Variants in CDH12 observed in about 807,000 individuals in gnomAD.
The protein encoded by CDH12 is cadherin 12.
Under a neutral mutation model 74.1 loss-of-function variants are expected in CDH12, and 41 were observed. The observed-to-expected ratio is 0.55, with a 90% CI of 0.43 to 0.72. The LOEUF (loss-of-function observed/expected upper bound fraction) is 0.72. Ranked by LOEUF, CDH12 falls within the 30% of genes least tolerant of loss-of-function variation. The probability of loss-of-function intolerance (pLI) is 0.00; values close to 1 mark genes in which losing one functional copy is unlikely to be tolerated. For missense variants in CDH12, 945 were observed against 977.2 expected, an observed-to-expected ratio of 0.97 and a Z score of 0.44; for synonymous variants, 399 against 355.0, an observed-to-expected ratio of 1.12 and a Z score of -1.39.
At chr5:21,783,301 G>A (rs563990904) in intron 11 of CDH12, 57 bp downstream of exon 11, 42 of 1,483,890 alleles carry the variant, frequency 2.8e-5, no homozygotes, top group Middle Eastern at 3.5e-4. Flanking sequence ...ACTCATTTAA[G>A]AGTCTTAAAT....
chr5:22,460,465 G>T (rs745927405), intron 2 of CDH12, among the ~76,000 whole-genome samples: 35 of 152,124 alleles, frequency 2.3e-4, no homozygotes, highest in South Asian at 2.1e-4. Flanking sequence ...AAAAATTGTG[G>T]TGTAATATTA....
rs377579462 is a variant in CDH12 at position 22,007,298 on chromosome 5, T to C, written c.232-31913A>G. Among the ~76,000 whole-genome samples, 17 of 152,194 alleles carry C rather than the reference T, an allele frequency of 1.1e-4. 2 individuals carry two copies. Among genetic ancestry groups the C allele is most frequent in the East Asian group, 5.8e-4 (3 of 5,168 alleles). ...GTTAATAGCAATGTATTGTATAGAG[T>C]GCTTGAAAATCACTGAGAGTAGATT... On this transcript the variant is annotated intron_variant, in intron 5 of 14. Transcript: ENST00000382254.
intron 4 of CDH12, among the ~76,000 whole-genome samples, chr5:22,136,331 C>T (rs921186372): frequency 1.3e-5 from 2 of 151,712 alleles, no homozygotes; most frequent in African/African-American, 4.8e-5. Flanking sequence ...AATAATTGAA[C>T]TTGCTGGAAA....
chr5:21,890,962 T>C (rs745305686), intron 6 of CDH12, among the ~76,000 whole-genome samples: 81 of 152,178 alleles, frequency 5.3e-4, no homozygotes, highest in Non-Finnish European at 9.7e-4. Context: ...TTGTCAACGT[T>C]ATCCAAAGTA....
intron 1 of CDH12, among the ~76,000 whole-genome samples, chr5:22,601,452 A>T (rs1736851088): frequency 6.6e-6 from 1 of 152,076 alleles, no homozygotes; most frequent in African/African-American, 2.4e-5. Flanking sequence ...CTCATAGAAA[A>T]TTAAGAAGTG....
chr5:22,140,219 G>T (rs1418480419), intron 4 of CDH12, among the ~76,000 whole-genome samples: 1 of 151,814 alleles, frequency 6.6e-6, no homozygotes, highest in Non-Finnish European at 1.5e-5. Flanking sequence ...TTTCTCCAAG[G>T]TATACCTAAG....
intron 1 of CDH12, among the ~76,000 whole-genome samples, chr5:22,518,143 T>C (rs1486977504): frequency 2.0e-5 from 3 of 152,208 alleles, no homozygotes; most frequent in Non-Finnish European, 4.4e-5. Context: ...GTTATAGTAA[T>C]TTATTGATGA....
At chr5:22,760,701 CAAA>C (rs1195139726) in intron 1 of CDH12, among the ~76,000 whole-genome samples, 42 of 95,430 alleles carry the variant, frequency 4.4e-4, no homozygotes, top group African/African-American at 8.2e-4. Context: ...AAAAAAAAAA[CAAA>C]AAAAAAAAGG....
intron 1 of CDH12, among the ~76,000 whole-genome samples, chr5:22,628,372 A>G (rs1386169667): frequency 6.6e-6 from 1 of 152,146 alleles, no homozygotes; most frequent in Non-Finnish European, 1.5e-5. Flanking sequence ...CAGCAAATTC[A>G]AAAAAACCAA....
intron 6 of CDH12, among the ~76,000 whole-genome samples, chr5:21,880,672 TTTCTTTCTTTCTTTCTTTC>T: frequency 3.7e-5 from 5 of 136,310 alleles, no homozygotes; most frequent in African/African-American, 1.3e-4. Flanking sequence ...TCTTTCTTTC[TTTCTTTCTTTCTTTCTTTC>T]TCTTTTCTCC....
intron 1 of CDH12, among the ~76,000 whole-genome samples, chr5:22,671,622 A>G (rs1740902813): frequency 6.6e-6 from 1 of 152,102 alleles, no homozygotes; most frequent in South Asian, 2.1e-4. Context: ...GGTTCCAGCA[A>G]TTGGGAACCA....
chr5:22,598,448 A>C (rs1027779951), intron 1 of CDH12, among the ~76,000 whole-genome samples: 1 of 152,156 alleles, frequency 6.6e-6, no homozygotes, highest in African/African-American at 2.4e-5. Context: ...TCTATCCTGC[A>C]GCCCTGTGAT....
intron 1 of CDH12, among the ~76,000 whole-genome samples, chr5:22,811,417 G>A (rs544043612): frequency 6.6e-6 from 1 of 152,084 alleles, no homozygotes; most frequent in Non-Finnish European, 1.5e-5. Flanking sequence ...GATATTCAGT[G>A]GCGGAAGTTG....
chr5:22,067,598 TG>T (rs1741656608), intron 5 of CDH12, among the ~76,000 whole-genome samples: 1 of 152,012 alleles, frequency 6.6e-6, no homozygotes, highest in African/African-American at 2.4e-5. Context: ...GCAGGTCCAG[TG>T]GGGGGCAGTA....
intron 1 of CDH12, among the ~76,000 whole-genome samples, chr5:22,727,217 T>C (rs1375340662): frequency 6.6e-6 from 1 of 151,824 alleles, no homozygotes; most frequent in African/African-American, 2.4e-5. Flanking sequence ...CTATCATGAA[T>C]GTTTCTACCA....
At chr5:21,895,432 A>T (rs1255407974) in intron 6 of CDH12, among the ~76,000 whole-genome samples, 2 of 152,156 alleles carry the variant, frequency 1.3e-5, no homozygotes, top group Non-Finnish European at 2.9e-5. Context: ...TATGTCATTA[A>T]TGCGTGGAAG....
chr5:22,712,978 T>C (rs1743365613), intron 1 of CDH12, among the ~76,000 whole-genome samples: 1 of 152,088 alleles, frequency 6.6e-6, no homozygotes, highest in Admixed American at 6.6e-5. Flanking sequence ...CACTTTGTAA[T>C]GAGCTCTACG....
At chr5:22,006,569 C>T (rs1013520116) in intron 5 of CDH12, among the ~76,000 whole-genome samples, 67 of 152,016 alleles carry the variant, frequency 4.4e-4, no homozygotes, top group Admixed American at 2.7e-3. Context: ...GTGAAAACAC[C>T]ACAGTTTTGA....
At chr5:22,413,079 A>G (rs559346659) in intron 2 of CDH12, among the ~76,000 whole-genome samples, 1 of 152,110 alleles carries the variant, frequency 6.6e-6, no homozygotes, top group African/African-American at 2.4e-5. Flanking sequence ...GCTATTATTC[A>G]ATATTCCATT....
Sources: allele counts gnomAD v4.1 joint callset (sites outside exome capture counted in the v4.1 genomes callset), GRCh38; gene constraint gnomAD v4.1.1; transcripts MANE v1.5; gene names NCBI Gene and HGNC (gene_info 2026-07-23, HGNC 2026-07-21).